RARB: variants seen among roughly 807,000 people sequenced by gnomAD.
The protein encoded by RARB is HBV-activated protein.
RARB carries 17 observed loss-of-function variants against 51.9 expected under a neutral mutation model. The ratio of observed to expected loss-of-function variants is 0.33; its 90% confidence interval spans 0.22 to 0.49. The LOEUF (loss-of-function observed/expected upper bound fraction) is 0.49, where lower values mean the gene tolerates loss of function less well. RARB is among the 20% of genes least tolerant of loss of function. The pLI is 0.99. For synonymous variants in RARB, 215 were observed against 195.4 expected, an observed-to-expected ratio of 1.10 and a Z score of -0.84; for missense variants, 369 against 550.8, an observed-to-expected ratio of 0.67 and a Z score of 3.30.
intron 3 of RARB, among the ~76,000 whole-genome samples, chr3:25,103,375 C>T (rs913688139): frequency 2.0e-5 from 3 of 152,186 alleles, no homozygotes; most frequent in Non-Finnish European, 4.4e-5. Context: ...TATTGAACCC[C>T]ATTCCCCTTC....
chr3:25,471,433 C>T (rs907879958), intron 2 of RARB, among the ~76,000 whole-genome samples: 8 of 152,110 alleles, frequency 5.3e-5, no homozygotes, highest in Non-Finnish European at 1.0e-4. Context: ...AGTAATAATT[C>T]CTACGGAAGG....
intron 5 of RARB, among the ~76,000 whole-genome samples, chr3:25,403,886 T>TAAAAAAAAAAAAAAA (rs546197894): frequency 7.9e-5 from 7 of 88,368 alleles, no homozygotes; most frequent in African/African-American, 3.4e-4. Context: ...TTTCTTTTTC[T>TAAAAAAAAAAAAAAA]AAAAAAAAAA....
At chr3:25,539,519 ACT>A (rs1233626620) in intron 3 of RARB, among the ~76,000 whole-genome samples, 3 of 110,354 alleles carry the variant, frequency 2.7e-5, no homozygotes, top group South Asian at 2.9e-4. Flanking sequence ...ACCTGGCCAC[ACT>A]CTCTCTCTCT....
Position 24,929,503 on chromosome 3 carries a change from T to C in RARB, c.-380+70751T>C, listed in dbSNP as rs576094278. On this transcript the variant is annotated intron_variant, in intron 2 of 11. Coordinates refer to the RARB transcript ENST00000383772. ...TATGAAAGAGCAAAGAGTGGTTTTA[T>C]TCTACCTAAAAATGTTTTTAAGCAA... Among the ~76,000 whole-genome samples the C allele has an allele frequency of 4.6e-5, 7 of 152,250 alleles. No homozygotes were observed. The East Asian group carries it at 1.4e-3, about 29-fold the overall frequency.
intron 2 of RARB, among the ~76,000 whole-genome samples, chr3:24,860,810 A>C (rs1312066633): frequency 1.3e-5 from 2 of 152,192 alleles, no homozygotes; most frequent in Non-Finnish European, 2.9e-5. Context: ...AGGTGAAGTA[A>C]CTTATCTGAG....
At chr3:25,170,127 G>A (rs954126299) in intron 4 of RARB, among the ~76,000 whole-genome samples, 1 of 152,118 alleles carries the variant, frequency 6.6e-6, no homozygotes, top group Non-Finnish European at 1.5e-5. Context: ...CACGGCCCAT[G>A]GGTCAAATTC....
intron 1 of RARB, among the ~76,000 whole-genome samples, chr3:24,846,347 T>C (rs1408188463): frequency 1.3e-5 from 2 of 152,208 alleles, no homozygotes; most frequent in Non-Finnish European, 2.9e-5. Context: ...TAACATGTGC[T>C]TCATAAATAT....
intron 2 of RARB, among the ~76,000 whole-genome samples, chr3:24,951,584 C>T (rs561784458): frequency 1.9e-4 from 29 of 152,306 alleles, no homozygotes; most frequent in African/African-American, 6.7e-4. Context: ...TAATGTCTTA[C>T]ATCCCTCTAC....
intron 5 of RARB, among the ~76,000 whole-genome samples, chr3:25,180,554 G>C (rs941174524): frequency 2.0e-5 from 3 of 152,218 alleles, no homozygotes; most frequent in African/African-American, 7.2e-5. Flanking sequence ...CCTCCATGCA[G>C]GTAGGTGGAC....
At chr3:25,462,782 G>A (rs1695246907) in intron 2 of RARB, among the ~76,000 whole-genome samples, 1 of 152,158 alleles carries the variant, frequency 6.6e-6, no homozygotes, top group African/African-American at 2.4e-5. Flanking sequence ...CTGTGGGCTG[G>A]GGAGACTCAG....
intron 2 of RARB, among the ~76,000 whole-genome samples, chr3:24,941,362 A>G (rs933201035): frequency 6.6e-6 from 1 of 150,788 alleles, no homozygotes; most frequent in Non-Finnish European, 1.5e-5. Flanking sequence ...GACAATCAGA[A>G]TAAAAGGCAG....
chr3:25,292,509 C>T (rs947818506), intron 5 of RARB, among the ~76,000 whole-genome samples: 1 of 152,096 alleles, frequency 6.6e-6, no homozygotes, highest in Non-Finnish European at 1.5e-5. Context: ...TAGAAACAAA[C>T]CTTTGTAGTT....
chr3:25,020,887 T>C (rs547901794), intron 2 of RARB, among the ~76,000 whole-genome samples: 40 of 152,304 alleles, frequency 2.6e-4, no homozygotes, highest in Admixed American at 1.5e-3. Flanking sequence ...GAGAATTGCT[T>C]GAGCCAGGGA....
At chr3:24,879,713 G>C (rs981604213) in intron 2 of RARB, among the ~76,000 whole-genome samples, 1 of 152,038 alleles carries the variant, frequency 6.6e-6, no homozygotes, top group African/African-American at 2.4e-5. Context: ...TAGGATCACC[G>C]TGGCAGAAGT....
At chr3:25,038,094 T>C (rs1698034701) in intron 2 of RARB, among the ~76,000 whole-genome samples, 1 of 152,180 alleles carries the variant, frequency 6.6e-6, no homozygotes, top group Admixed American at 6.5e-5. Flanking sequence ...ATGCCCACTT[T>C]AAAGCATAGC....
chr3:24,862,806 C>T (rs2125343159), intron 2 of RARB, among the ~76,000 whole-genome samples: 1 of 152,270 alleles, frequency 6.6e-6, no homozygotes, highest in South Asian at 2.1e-4. Context: ...TCTGTGGTAC[C>T]TGCCCTTCGG....
At chr3:25,051,759 G>T (rs948571160) in intron 2 of RARB, among the ~76,000 whole-genome samples, 11 of 152,132 alleles carry the variant, frequency 7.2e-5, no homozygotes, top group African/African-American at 2.7e-4. Context: ...AGAGAAAGGG[G>T]TATGATAGAG....
intron 1 of RARB, among the ~76,000 whole-genome samples, chr3:25,437,569 T>A (rs1708487604): frequency 6.6e-6 from 1 of 152,102 alleles, no homozygotes; most frequent in East Asian, 1.9e-4. Context: ...AACCCCCTTA[T>A]AACAAACCCA....
At chr3:25,091,630 C>T (rs1275349867) in intron 3 of RARB, among the ~76,000 whole-genome samples, 3 of 152,034 alleles carry the variant, frequency 2.0e-5, no homozygotes, top group African/African-American at 7.2e-5. Flanking sequence ...TAAATGCATG[C>T]AGCTAAGTAT....
Sources: allele counts gnomAD v4.1 joint callset (sites outside exome capture counted in the v4.1 genomes callset), GRCh38; gene constraint gnomAD v4.1.1; transcripts MANE v1.5; gene names NCBI Gene and HGNC (gene_info 2026-07-23, HGNC 2026-07-21).